The following CLIP1 variants were observed in gnomAD, a reference collection of about 807,000 sequenced individuals.
The protein encoded by CLIP1 is CAP-Gly domain-containing linker protein 1.
In CLIP1, 66 loss-of-function variants were observed where a neutral mutation model predicts 161.6. The ratio of observed to expected loss-of-function variants is 0.41; its 90% CI spans 0.33 to 0.50. The LOEUF is 0.50. Among genes scored for constraint, CLIP1 ranks in the 20% least tolerant of loss-of-function variants. CLIP1 has a pLI of 0.27. For synonymous variants in CLIP1, 598 were observed against 626.2 expected, an observed-to-expected ratio of 0.96 and a Z score of 0.67; for missense variants, 1,376 against 1,702.0, an observed-to-expected ratio of 0.81 and a Z score of 3.37.
chr12:122,328,726 CA>C (rs1335049149), intron 15 of CLIP1, among the ~76,000 whole-genome samples: 1 of 152,132 alleles, frequency 6.6e-6, no homozygotes, highest in African/African-American at 2.4e-5. Context: ...GGACTACAGG[CA>C]CCTGCCAGCA....
At chr12:122,350,054 G>T (rs1047354783) in intron 9 of CLIP1, among the ~76,000 whole-genome samples, 1 of 151,896 alleles carries the variant, frequency 6.6e-6, no homozygotes, top group African/African-American at 2.4e-5. Flanking sequence ...ACAGGTGCGT[G>T]CCACCATATT....
intron 9 of CLIP1, among the ~76,000 whole-genome samples, chr12:122,348,246 A>G (rs531776952): frequency 3.9e-5 from 6 of 152,148 alleles, no homozygotes; most frequent in Non-Finnish European, 5.9e-5. Flanking sequence ...CCAGGGAGGG[A>G]AAAAAGGACT....
intron 19 of CLIP1, among the ~76,000 whole-genome samples, chr12:122,314,685 C>T (rs1026952070): frequency 1.3e-5 from 2 of 152,178 alleles, no homozygotes; most frequent in African/African-American, 4.8e-5. Flanking sequence ...ACCAGCTGCC[C>T]ATGGGACACA....
intron 20 of CLIP1, among the ~76,000 whole-genome samples, chr12:122,292,508 A>G (rs1162035885): frequency 1.3e-5 from 2 of 152,070 alleles, no homozygotes; most frequent in African/African-American, 4.8e-5. Context: ...AAATATTCCA[A>G]GCTCACCTTA....
intron 20 of CLIP1, among the ~76,000 whole-genome samples, chr12:122,291,572 G>A (rs533625853): frequency 6.6e-6 from 1 of 152,206 alleles, no homozygotes; most frequent in South Asian, 2.1e-4. Flanking sequence ...CGTCAGTTTG[G>A]ATTCGTCTGA....
intron 17 of CLIP1, among the ~76,000 whole-genome samples, chr12:122,326,874 A>C (rs1033711092): frequency 9.2e-5 from 14 of 152,204 alleles, no homozygotes; most frequent in Non-Finnish European, 1.6e-4. Flanking sequence ...TCACAGAAAG[A>C]AGAGAAATCC....
chr12:122,294,507 A>T (rs1434908650), intron 20 of CLIP1, among the ~76,000 whole-genome samples: 1 of 152,108 alleles, frequency 6.6e-6, no homozygotes, highest in African/African-American at 2.4e-5. Flanking sequence ...TCACACCTGT[A>T]ATCTCAGCAC....
Position 122,341,046 on chromosome 12 carries a change from C to G in CLIP1, c.2158G>C (p.Ala720Pro). The G allele has an allele frequency of 6.2e-7, 1 of 1,614,136 alleles. No individual in the cohort carries two copies. The highest frequency in any genetic ancestry group is 8.5e-7 in the Non-Finnish European group (1 of 1,180,040). ...LEAIRSKLDK[A>P]EDQHLVEMED... ...ATTTCTACGAGATGCTGGTCTTCTG[C>G]TTTGTCCAGTTTCGACCTGATGGCT... The change falls in exon 11 of 26, where the codon GCA becomes CCA. Residue 720 changes from alanine to proline, a missense_variant. Ala to Pro is a conservative substitution (Grantham distance 27). Around this residue, in one of 6 missense-constraint regions of CLIP1, gnomAD observed 948 missense variants for 1,134.8 expected, o/e 0.84. Transcript: ENST00000620786.
At chr12:122,315,920 C>T (rs1951248098) in intron 19 of CLIP1, among the ~76,000 whole-genome samples, 1 of 151,712 alleles carries the variant, frequency 6.6e-6, no homozygotes, top group Admixed American at 6.6e-5. Flanking sequence ...GGATTACAGG[C>T]ATGAACCACC....
chr12:122,327,975 T>C lies in CLIP1; in HGVS notation c.3221A>G (p.Glu1074Gly). Residue 1074 changes from glutamate to glycine, a missense_variant, in exon 17 of 26, where the codon GAG becomes GGG. Around this residue, in one of 6 missense-constraint regions of CLIP1, gnomAD observed 948 missense variants for 1,134.8 expected, o/e 0.84. Transcript: ENST00000620786. ...GGCTTTGTCGGCTTGCTTTCTCAGC[T>C]CCTCCAGCTCCTGCAGCAAGCCACT... The part of the protein sequence containing the change: ...ENSGLLQELE[E>G]LRKQADKAKA... 3 of 1,614,034 alleles carry C rather than the reference T, an allele frequency of 1.9e-6. No homozygotes were observed. The East Asian group carries it at 6.7e-5, about 36-fold the overall frequency.
intron 9 of CLIP1, among the ~76,000 whole-genome samples, chr12:122,348,262 T>C (rs1295615690): frequency 6.6e-6 from 1 of 152,122 alleles, no homozygotes; most frequent in Non-Finnish European, 1.5e-5. Context: ...GGACTCAGAA[T>C]TACAAAGAGA....
intron 8 of CLIP1, 43 bp from the exon 9 acceptor site, chr12:122,351,186 G>A: frequency 8.0e-7 from 1 of 1,245,386 alleles, no homozygotes; most frequent in Non-Finnish European, 1.1e-6. Flanking sequence ...CAACAAAAAA[G>A]AGATTCCAAT....
intron 21 of CLIP1, among the ~76,000 whole-genome samples, chr12:122,285,635 G>A (rs1041505967): frequency 7.0e-6 from 1 of 142,572 alleles, no homozygotes; most frequent in Non-Finnish European, 1.5e-5. Flanking sequence ...CACCGCACCC[G>A]ACCTTTTTTT....
At chr12:122,276,078 A>C (rs1323719038) in intron 24 of CLIP1, among the ~76,000 whole-genome samples, 1 of 152,202 alleles carries the variant, frequency 6.6e-6, no homozygotes, top group African/African-American at 2.4e-5. Flanking sequence ...ATTTCTCTAA[A>C]CTGAAAGATC....
At chr12:122,402,319 C>T (rs1956173190) in intron 1 of CLIP1, among the ~76,000 whole-genome samples, 1 of 152,148 alleles carries the variant, frequency 6.6e-6, no homozygotes, top group Non-Finnish European at 1.5e-5. Flanking sequence ...GAGACTCCAT[C>T]TCTACAAAAT....
At chr12:122,282,852 T>G (rs898641167) in intron 21 of CLIP1, among the ~76,000 whole-genome samples, 2 of 152,010 alleles carry the variant, frequency 1.3e-5, no homozygotes, top group Non-Finnish European at 2.9e-5. Context: ...CACACAGATA[T>G]AGCAAAGGAA....
At chr12:122,330,095 C>A (rs1951879859) in intron 15 of CLIP1, among the ~76,000 whole-genome samples, 1 of 151,824 alleles carries the variant, frequency 6.6e-6, no homozygotes, top group Non-Finnish European at 1.5e-5. Flanking sequence ...CCAGCCTGGG[C>A]AACAAGAGCA....
chr12:122,280,067 TTG>T (rs1044356069), intron 21 of CLIP1: 5 of 151,864 alleles, frequency 3.3e-5, no homozygotes, highest in African/African-American at 9.7e-5. Flanking sequence ...CTATTTAAAG[TTG>T]TGTGTTTTTT....
chr12:122,308,159 T>C (rs1414262376), intron 20 of CLIP1, among the ~76,000 whole-genome samples: 1 of 152,228 alleles, frequency 6.6e-6, no homozygotes, highest in African/African-American at 2.4e-5. Context: ...GGAAGCATGA[T>C]GTCTCCTGAA....
Sources: allele counts gnomAD v4.1 joint callset (sites outside exome capture counted in the v4.1 genomes callset), GRCh38; gene constraint gnomAD v4.1.1; regional missense constraint gnomAD v4.1.1; transcripts MANE v1.5; gene names NCBI Gene and HGNC (gene_info 2026-07-23, HGNC 2026-07-21).